The following ABL1 variants were observed in gnomAD, a reference collection of about 807,000 sequenced individuals.
ABL1 encodes the protein ABL proto-oncogene 1, non-receptor tyrosine kinase, also known as tyrosine-protein kinase ABL1.
In ABL1, 11 loss-of-function variants were observed where a neutral mutation model predicts 94.7. The ratio of observed to expected loss-of-function variants is 0.12; its 90% CI spans 0.07 to 0.19. ABL1 has a LOEUF of 0.19. ABL1 is among the 10% of genes least tolerant of loss of function. The probability of loss-of-function intolerance (pLI) is 1.00; values close to 1 mark genes in which losing one functional copy is unlikely to be tolerated. For missense variants in ABL1, 1,082 were observed against 1,489.4 expected, an observed-to-expected ratio of 0.73 and a Z score of 4.50; for synonymous variants, 656 against 622.4, an observed-to-expected ratio of 1.05 and a Z score of -0.80.
At chr9:130,741,566 C>A (rs1831819126) in intron 1 of ABL1, among the ~76,000 whole-genome samples, 1 of 151,918 alleles carries the variant, frequency 6.6e-6, no homozygotes, top group South Asian at 2.1e-4. Context: ...CACTGATGCA[C>A]CAGTTACCAT....
rs750324291 is a variant in ABL1, at chr9:130,880,171, C to T, written c.1513+14C>T. On this transcript the variant is annotated intron_variant, in intron 9 of 10. Transcript: ENST00000318560. This position sits in a 1 kb window ranked among gnomAD's most constrained non-coding sequence, Gnocchi z 4.4. ...GTATCTCAGACGGTAAAGTACCCAT[C>T]CCGGGGTACCTGCAGTGGGGTGAAA... is the stretch of plus-strand genomic sequence containing the variant. 2 of 1,610,308 alleles carry T rather than the reference C, an allele frequency of 1.2e-6. No individual in the cohort carries two copies.
intron 1 of ABL1, among the ~76,000 whole-genome samples, chr9:130,741,037 C>T (rs1365765890): frequency 6.6e-6 from 1 of 151,996 alleles, no homozygotes; most frequent in Non-Finnish European, 1.5e-5. Context: ...AGTAGGATCA[C>T]AAATGATTAT....
chr9:130,726,564 CA>C (rs1415921065), intron 1 of ABL1, among the ~76,000 whole-genome samples: 6 of 151,914 alleles, frequency 3.9e-5, no homozygotes, highest in East Asian at 3.9e-4. Context: ...TTAATCTTTT[CA>C]AAAAAAATTT....
intron 2 of ABL1, among the ~76,000 whole-genome samples, chr9:130,854,596 AC>A (rs1830944329): frequency 6.6e-6 from 1 of 152,312 alleles, no homozygotes; most frequent in Admixed American, 6.5e-5. Flanking sequence ...CTATACACTT[AC>A]CTATCTGTTC....
intron 1 of ABL1, among the ~76,000 whole-genome samples, chr9:130,727,145 A>G (rs886179457): frequency 2.0e-5 from 3 of 152,080 alleles, no homozygotes; most frequent in African/African-American, 7.2e-5. Context: ...GTAGTTTTCT[A>G]TAAATCAAGT....
intron 1 of ABL1, among the ~76,000 whole-genome samples, chr9:130,743,755 GC>G (rs1326987098): frequency 1.7e-4 from 26 of 152,156 alleles, no homozygotes; most frequent in African/African-American, 6.3e-4. Flanking sequence ...AAGGGAGCAG[GC>G]ACAAGCTTTG....
chr9:130,738,071 C>T (rs1451618355), intron 1 of ABL1, among the ~76,000 whole-genome samples: 1 of 151,992 alleles, frequency 6.6e-6, no homozygotes, highest in African/African-American at 2.4e-5. Flanking sequence ...ACCTCGTGAT[C>T]CGCCCACCTC....
rs1005132683 is a variant in ABL1 at position 130,863,826 on chromosome 9, T to G, written c.822+791T>G. Among the ~76,000 whole-genome samples the G allele has an allele frequency of 2.0e-4, 31 of 152,238 alleles. No individual in the cohort carries two copies. The highest frequency in any genetic ancestry group is 3.7e-4 in the Non-Finnish European group (25 of 68,042). ...TTGACTTACATTATTTCCACTTGTT[T>G]TAAATGAACTTTGATTACCTTGACC... On this transcript the variant is annotated intron_variant, in intron 4 of 10. Transcript: ENST00000318560. This position sits in a 1 kb window ranked among gnomAD's most constrained non-coding sequence, Gnocchi z 4.3.
chr9:130,782,250 G>T (rs1226646446), intron 1 of ABL1, among the ~76,000 whole-genome samples: 1 of 152,002 alleles, frequency 6.6e-6, no homozygotes, highest in African/African-American at 2.4e-5. Context: ...TAGTAGAGAC[G>T]GGGTTTTGCT....
intron 1 of ABL1, among the ~76,000 whole-genome samples, chr9:130,780,023 C>A: frequency 6.6e-6 from 1 of 152,148 alleles, no homozygotes; most frequent in East Asian, 1.9e-4. Context: ...CGGTGGCTCA[C>A]GCCTGTAATC....
At chr9:130,749,580 C>T (rs1831929803) in intron 1 of ABL1, among the ~76,000 whole-genome samples, 1 of 152,172 alleles carries the variant, frequency 6.6e-6, no homozygotes, top group African/African-American at 2.4e-5. Flanking sequence ...GCTTCTAGCT[C>T]ATATCCTGAC....
Position 130,859,677 on chromosome 9 carries a change from C to CTTTTTTTTTTTTTTTTTTT in ABL1, c.550-3075_550-3057dup, listed in dbSNP as rs869234280. Among the ~76,000 whole-genome samples the CTTTTTTTTTTTTTTTTTTT allele has an allele frequency of 1.1e-4, 9 of 78,460 alleles. 1 individual carries two copies. The highest frequency in any genetic ancestry group is 6.1e-4 in the African/African-American group (9 of 14,858). The allele number at this position is 78,460 out of a possible 152,430, so 51.5% of individuals were successfully genotyped here. On this transcript the variant is annotated intron_variant, in intron 3 of 10. Transcript: ENST00000318560. ...AAACGCTGTTTCTTTTCTTTCTTTC[C>CTTTTTTTTTTTTTTTTTTT]TTTTTTTTTTTTTTTTTTTTTTTTT... is the stretch of plus-strand genomic sequence containing the variant.
At chr9:130,793,444 A>C (rs1829934294) in intron 1 of ABL1, among the ~76,000 whole-genome samples, 1 of 152,196 alleles carries the variant, frequency 6.6e-6, no homozygotes, top group South Asian at 2.1e-4. Context: ...GGTGGTATCC[A>C]TACTAATCAG....
chr9:130,759,058 T>C (rs1832077492), intron 1 of ABL1, among the ~76,000 whole-genome samples: 1 of 152,184 alleles, frequency 6.6e-6, no homozygotes, highest in Non-Finnish European at 1.5e-5. Flanking sequence ...AATCCACTTT[T>C]TGTCGCACAT....
chr9:130,773,392 C>T (rs1832275691), intron 1 of ABL1, among the ~76,000 whole-genome samples: 1 of 151,924 alleles, frequency 6.6e-6, no homozygotes, highest in Non-Finnish European at 1.5e-5. Flanking sequence ...CAAGCCAAAA[C>T]TGTAAACGTC....
intron 1 of ABL1, among the ~76,000 whole-genome samples, chr9:130,812,036 C>A (rs72765050): frequency 0.03 from 4,509 of 148,338 alleles, 108 homozygotes; most frequent in Middle Eastern, 0.06. Flanking sequence ...AAACAAAGAG[C>A]AAGATGGTAG....
chr9:130,754,691 C>T (rs1180189799), intron 1 of ABL1, among the ~76,000 whole-genome samples: 2 of 151,450 alleles, frequency 1.3e-5, no homozygotes, highest in Admixed American at 1.3e-4. Flanking sequence ...GGCTTGGAAG[C>T]CAGTGATTAT....
chr9:130,874,048 C>T (rs1233738050), intron 6 of ABL1, among the ~76,000 whole-genome samples: 4 of 152,204 alleles, frequency 2.6e-5, no homozygotes, highest in East Asian at 1.9e-4. Flanking sequence ...TTCAAGCGAA[C>T]TTAAAATGCT....
chr9:130,858,924 C>T (rs28698758), intron 3 of ABL1, among the ~76,000 whole-genome samples: 4,940 of 152,156 alleles, frequency 0.032, 274 homozygotes, highest in African/African-American at 0.11. Flanking sequence ...GGTCATCAGC[C>T]GAGGACCATC....
Sources: allele counts gnomAD v4.1 joint callset (sites outside exome capture counted in the v4.1 genomes callset), GRCh38; gene constraint gnomAD v4.1.1; non-coding constraint Gnocchi (gnomAD v3.1); transcripts MANE v1.5; gene names NCBI Gene and HGNC (gene_info 2026-07-23, HGNC 2026-07-21).